The following SPHKAP variants were observed in gnomAD, a reference collection of about 807,000 sequenced individuals.
The protein encoded by SPHKAP is A-kinase anchor protein SPHKAP.
SPHKAP carries 67 observed loss-of-function variants against 137.5 expected under a neutral mutation model. The observed-to-expected ratio is 0.49, with a 90% confidence interval of 0.40 to 0.60. The LOEUF is 0.60. Among genes scored for constraint, SPHKAP ranks in the 20% least tolerant of loss-of-function variants. The pLI is 0.00. For synonymous variants in SPHKAP, 813 were observed against 785.3 expected, an observed-to-expected ratio of 1.04 and a Z score of -0.59; for missense variants, 2,097 against 2,069.3, an observed-to-expected ratio of 1.01 and a Z score of -0.26.
rs1344998398 is a variant in SPHKAP at position 228,019,922 on chromosome 2, T to C, written c.932A>G (p.Glu311Gly). 1.9e-6 allele frequency: 3 copies of C among 1,614,120 alleles called. No individual in the cohort carries two copies. Among genetic ancestry groups the C allele is most frequent in the African/African-American group, 1.3e-5 (1 of 74,936 alleles). Residue 311 changes from glutamate (E) to glycine (G), a missense_variant, in exon 7 of 12, where the codon GAA (glutamate) becomes GGA (glycine). Coordinates refer to ENST00000392056, the MANE Select transcript of SPHKAP (RefSeq NM_001142644.2). ...PSAKPSQWKR[E>G]AVGNGRQATH... ...GGCTTGTCTCCCATTCCCCACAGCT[T>C]CTCTTTTCCACTGTGATGGCTTGGC...
chr2:228,146,628 T>A (rs1465111993), intron 1 of SPHKAP, among the ~76,000 whole-genome samples: 1 of 152,232 alleles, frequency 6.6e-6, no homozygotes, highest in Non-Finnish European at 1.5e-5. Flanking sequence ...TGTGTTCTCA[T>A]CACTGATAAG....
At chr2:228,067,989 A>T (rs1696881564) in intron 3 of SPHKAP, among the ~76,000 whole-genome samples, 1 of 152,128 alleles carries the variant, frequency 6.6e-6, no homozygotes, top group South Asian at 2.1e-4. Context: ...AAACCTAAAG[A>T]CTCCACCAAA....
chr2:228,157,935 TA>T (rs1374356373), intron 1 of SPHKAP, among the ~76,000 whole-genome samples: 2 of 152,236 alleles, frequency 1.3e-5, no homozygotes, highest in African/African-American at 4.8e-5. Context: ...TTTTACTTTT[TA>T]TTAAGCCATG....
chr2:228,018,593 G>C lies in SPHKAP; in HGVS notation c.2261C>G (p.Ser754Cys), dbSNP rs138604650. Residue 754 changes from serine to cysteine, a missense_variant, in exon 7 of 12, where the codon TCT becomes TGT. Transcript: ENST00000392056. ...CCAAGCTTGACTAGCACCCGGATCAGATGGCTGGCAGCTTGGTTCTGTCTC... is the reference window on the plus strand; with the variant it reads ...CCAAGCTTGACTAGCACCCGGATCACATGGCTGGCAGCTTGGTTCTGTCTC... ...RRETEPSCQP[S>C]DPGASQAWTK... The C allele has an allele frequency of 2.7e-5, 43 of 1,613,950 alleles. No homozygotes were observed. The highest frequency in any genetic ancestry group is 3.5e-5 in the Non-Finnish European group (41 of 1,179,962).
intron 7 of SPHKAP, among the ~76,000 whole-genome samples, chr2:228,004,807 G>A (rs574567755): frequency 6.6e-6 from 1 of 152,138 alleles, no homozygotes; most frequent in African/African-American, 2.4e-5. Context: ...CCTTCATTTT[G>A]TTATGTACCC....
intron 1 of SPHKAP, among the ~76,000 whole-genome samples, chr2:228,132,747 C>T (rs867801546): frequency 6.6e-6 from 1 of 151,650 alleles, no homozygotes; most frequent in East Asian, 1.9e-4. Context: ...CCTGTAATCA[C>T]AACACTTTGG....
In SPHKAP at chr2:228,021,786, A is replaced by T; in HGVS notation, c.622T>A (p.Ser208Thr). ...KLEDDTNCSL[S>T]SIEEDFLTAS... is the part of the protein sequence containing the mutation. ...GTGAGAAAGTCTTCCTCGATTGAAG[A>T]TAAGGAACAGTTCGTGTCATCCTCC... The change falls in exon 6 of 12, where the codon TCT (serine) becomes ACT (threonine). Residue 208 changes from serine to threonine, a missense_variant. Coordinates refer to ENST00000392056, the MANE Select transcript of SPHKAP (RefSeq NM_001142644.2). 3.1e-6 allele frequency: 5 copies of T among 1,614,168 alleles called. No homozygotes were observed. Among genetic ancestry groups the T allele is most frequent in the Non-Finnish European group, 4.2e-6 (5 of 1,180,008 alleles).
At chr2:228,015,619 C>T (rs1430623410) in intron 7 of SPHKAP, among the ~76,000 whole-genome samples, 1 of 152,118 alleles carries the variant, frequency 6.6e-6, no homozygotes, top group African/African-American at 2.4e-5. Context: ...GAAATTATTA[C>T]CTTGCGTCAA....
rs539122270 is a variant in SPHKAP, at chr2:228,152,185, C to T, written c.33-20100G>A. Among the ~76,000 whole-genome samples the T allele has an allele frequency of 7.9e-5, 12 of 152,198 alleles. No homozygotes were observed. In the East Asian group the frequency reaches 9.6e-4, roughly 12 times the overall value. Reference sequence around the variant, plus strand: ...AATGTTACATACTTTCTAAAGGTTTCGGTTGTAGTATTCTATATAGTTGCA... The same window carrying T: ...AATGTTACATACTTTCTAAAGGTTTTGGTTGTAGTATTCTATATAGTTGCA... On this transcript the variant is annotated intron_variant, in intron 1 of 11. Coordinates refer to ENST00000392056, the MANE Select transcript of SPHKAP (RefSeq NM_001142644.2).
chr2:228,005,187 C>G (rs1694079943), intron 7 of SPHKAP, among the ~76,000 whole-genome samples: 1 of 152,184 alleles, frequency 6.6e-6, no homozygotes, highest in Non-Finnish European at 1.5e-5. Context: ...GTATGGGTGT[C>G]TAAGACTGCC....
At chr2:228,037,382 AC>A (rs1475484763) in intron 3 of SPHKAP, among the ~76,000 whole-genome samples, 1 of 152,120 alleles carries the variant, frequency 6.6e-6, no homozygotes, top group African/African-American at 2.4e-5. Context: ...TGATATGTAA[AC>A]CTTGTTTCCT....
At chr2:228,149,713 T>C (rs1254717079) in intron 1 of SPHKAP, among the ~76,000 whole-genome samples, 3 of 134,938 alleles carry the variant, frequency 2.2e-5, no homozygotes, top group Non-Finnish European at 3.3e-5. Flanking sequence ...AATGGTTTCC[T>C]TTTTAAAATT....
chr2:227,985,693 C>T (rs1264712302), intron 11 of SPHKAP, among the ~76,000 whole-genome samples: 1 of 152,174 alleles, frequency 6.6e-6, no homozygotes, highest in Non-Finnish European at 1.5e-5. Context: ...GATGGTATAT[C>T]ATCTGTAGAC....
chr2:228,065,210 T>C (rs966839440), intron 3 of SPHKAP, among the ~76,000 whole-genome samples: 58 of 152,148 alleles, frequency 3.8e-4, no homozygotes, highest in African/African-American at 1.3e-3. Context: ...GTGCTGTGAG[T>C]AATAGAGTCC....
chr2:228,112,875 A>G (rs1698563479), intron 2 of SPHKAP, among the ~76,000 whole-genome samples: 1 of 152,196 alleles, frequency 6.6e-6, no homozygotes, highest in African/African-American at 2.4e-5. Context: ...GAAAATGTGA[A>G]GTGCTTTAGA....
chr2:228,150,324 C>T lies in SPHKAP; in HGVS notation c.33-18239G>A, dbSNP rs552190418. Reference sequence around the variant, plus strand: ...AATTCAGGACATTTCTATTTTTCTACTTGCTGGGAGAATTTGTATACTATT... The same window carrying T: ...AATTCAGGACATTTCTATTTTTCTATTTGCTGGGAGAATTTGTATACTATT... On this transcript the variant is annotated intron_variant, in intron 1 of 11. Transcript: ENST00000392056. Among the ~76,000 whole-genome samples, 187 of 152,212 alleles carry T rather than the reference C, an allele frequency of 1.2e-3. 1 individual carries two copies. Among genetic ancestry groups the T allele is most frequent in the African/African-American group, 4.2e-3 (173 of 41,554 alleles).
At chr2:228,159,735 T>A (rs1335864173) in intron 1 of SPHKAP, among the ~76,000 whole-genome samples, 1 of 152,214 alleles carries the variant, frequency 6.6e-6, no homozygotes, top group East Asian at 1.9e-4. Context: ...ATTAAGGTCA[T>A]CTTCTATAGA....
chr2:228,127,795 C>T (rs1699122493), intron 2 of SPHKAP, among the ~76,000 whole-genome samples: 1 of 151,994 alleles, frequency 6.6e-6, no homozygotes. Context: ...GTCGCAGACC[C>T]CCACAACAGA....
intron 11 of SPHKAP, among the ~76,000 whole-genome samples, chr2:227,989,530 G>T (rs1034569712): frequency 1.3e-5 from 2 of 152,092 alleles, no homozygotes; most frequent in Admixed American, 6.5e-5. Context: ...CCCTTATTAC[G>T]CTACCTTATA....
Sources: allele counts gnomAD v4.1 joint callset (sites outside exome capture counted in the v4.1 genomes callset), GRCh38; gene constraint gnomAD v4.1.1; transcripts MANE v1.5; gene names NCBI Gene and HGNC (gene_info 2026-07-23, HGNC 2026-07-21).